Variants in ADAMTS15 observed in about 807,000 individuals in gnomAD.
ADAMTS15 encodes the protein A disintegrin and metalloproteinase with thrombospondin motifs 15.
A neutral mutation model predicts 79.1 loss-of-function variants in ADAMTS15; 35 were observed. The ratio of observed to expected loss-of-function variants is 0.44; its 90% confidence interval spans 0.34 to 0.59. The LOEUF is 0.59. ADAMTS15 is among the 20% of genes least tolerant of loss of function. The pLI, the probability that ADAMTS15 is intolerant of heterozygous loss-of-function variation, is 0.02. For missense variants in ADAMTS15, 1,324 were observed against 1,318.7 expected (o/e 1.00, Z -0.06); for synonymous variants, 616 against 567.3 (o/e 1.09, Z -1.22).
Position 130,449,840 on chromosome 11 carries a change from G to T in ADAMTS15, c.867G>T (p.Leu289=). ...PKVTGNAALT[L]RNFCAWQKKL... is the part of the protein sequence containing the mutation. The stretch of plus-strand genomic sequence containing the variant: ...TCACCGGCAATGCGGCCCTGACGCT[G>T]CGCAACTTCTGTGCCTGGCAGAAGA... Residue 289 remains leucine (L), a synonymous_variant, in exon 1 of 8, where the codon CTG becomes CTT. Coordinates refer to ENST00000299164, the MANE Select transcript of ADAMTS15 (RefSeq NM_139055.4). The surrounding 1 kb of genome is among the most constrained non-coding windows in gnomAD (Gnocchi z 7.8). The T allele has an allele frequency of 6.2e-7, 1 of 1,608,548 alleles. No individual in the cohort carries two copies.
intron 2 of ADAMTS15, 102 bp downstream of exon 2, chr11:130,461,723 G>A: frequency 2.6e-6 from 4 of 1,511,162 alleles, no homozygotes; most frequent in Non-Finnish European, 3.6e-6. Flanking sequence ...GAAGCCTTAG[G>A]ACCCCTTCTT....
chr11:130,470,210 GTATATATATA>G (rs3063488), intron 5 of ADAMTS15, among the ~76,000 whole-genome samples: 2 of 32,992 alleles, frequency 6.1e-5, no homozygotes, highest in African/African-American at 2.6e-4. Flanking sequence ...ATATATATAT[GTATATATATA>G]TATATTTTCT....
intron 2 of ADAMTS15, 148 bp from the exon 3 acceptor site, chr11:130,461,939 G>T: frequency 1.0e-6 from 1 of 963,124 alleles, no homozygotes; most frequent in Non-Finnish European, 1.5e-6. Flanking sequence ...ACATGATCTT[G>T]AGGACATTTG....
chr11:130,460,975 G>T (rs926927974), intron 1 of ADAMTS15, among the ~76,000 whole-genome samples: 1 of 152,202 alleles, frequency 6.6e-6, no homozygotes, highest in Non-Finnish European at 1.5e-5. Context: ...TCACTGGCAT[G>T]GGTGGGTCCT....
Position 130,449,003 on chromosome 11 carries a change from T to A in ADAMTS15, c.30T>A (p.Ala10=). MLLLGILTL[A]FAGRTAGGSE... ...TTCTGCTGGGCATCCTAACCCTGGC[T>A]TTCGCCGGGCGAACCGCTGGAGGCT... Residue 10 remains alanine, a synonymous_variant, in exon 1 of 8, where the codon GCT becomes GCA. Transcript: ENST00000299164. The surrounding 1 kb of genome is among the most constrained non-coding windows in gnomAD (Gnocchi z 7.8). The A allele has an allele frequency of 6.6e-7, 1 of 1,509,820 alleles. No individual in the cohort carries two copies. The allele number at this position is 1,509,820 out of a possible 1,614,324, so 93.5% of individuals were successfully genotyped here.
intron 4 of ADAMTS15, among the ~76,000 whole-genome samples, chr11:130,466,826 G>A (rs1938310549): frequency 6.6e-6 from 1 of 152,072 alleles, no homozygotes; most frequent in African/African-American, 2.4e-5. Context: ...TCTCCTCTCA[G>A]GGCCTGTGCA....
chr11:130,449,244 C>T lies in ADAMTS15; in HGVS notation c.271C>T (p.Leu91Phe). The change falls in exon 1 of 8, where the codon CTC becomes TTC. Residue 91 changes from leucine to phenylalanine, a missense_variant. By Grantham distance (22) the Leu-to-Phe change is conservative (BLOSUM62 0). Coordinates refer to ENST00000299164, the MANE Select transcript of ADAMTS15 (RefSeq NM_139055.4). The surrounding 1 kb of genome is among the most constrained non-coding windows in gnomAD (Gnocchi z 7.8). Reference sequence around the variant, plus strand: ...GCATCTGGGCGTCCCCCTCCAGGGGCTCACCGGGGGCTCTTCAGACCTGCG... The same window carrying T: ...GCATCTGGGCGTCCCCCTCCAGGGGTTCACCGGGGGCTCTTCAGACCTGCG... ...TEHLGVPLQGLTGGSSDLRRC... is the reference protein window; with the variant it reads ...TEHLGVPLQGFTGGSSDLRRC... The T allele has an allele frequency of 7.4e-6, 12 of 1,613,660 alleles. No individual in the cohort carries two copies. The highest frequency in any genetic ancestry group is 1.0e-5 in the Non-Finnish European group (12 of 1,180,028).
intron 4 of ADAMTS15, among the ~76,000 whole-genome samples, chr11:130,467,394 A>G (rs1050128325): frequency 6.6e-6 from 1 of 152,172 alleles, no homozygotes; most frequent in African/African-American, 2.4e-5. Flanking sequence ...GTGAGGCGCT[A>G]GTTTGAGTAG....
Position 130,449,517 on chromosome 11 carries a change from C to A in ADAMTS15, c.544C>A (p.Pro182Thr), listed in dbSNP as rs1937914462. The A allele has an allele frequency of 6.4e-7, 1 of 1,558,522 alleles. No homozygotes were observed. The highest frequency in any genetic ancestry group is 1.4e-5 in the African/African-American group (1 of 73,992). ...SRCGVASGWNPAILRALDPYK... is the reference protein window; with the variant it reads ...SRCGVASGWNTAILRALDPYK... ...CTGCGGGGTGGCCTCGGGCTGGAAC[C>A]CCGCCATCCTACGGGCCCTGGACCC... Residue 182 changes from proline to threonine, a missense_variant, in exon 1 of 8, where the codon CCC (proline) becomes ACC (threonine). Pro to Thr is a conservative substitution (Grantham distance 38). Transcript: ENST00000299164. The surrounding 1 kb of genome is among the most constrained non-coding windows in gnomAD (Gnocchi z 7.8).
rs1291962831 is a variant in ADAMTS15 at position 130,473,852 on chromosome 11, C to T, written c.*31C>T. The T allele has an allele frequency of 2.6e-6, 4 of 1,558,528 alleles. No homozygotes were observed. The highest frequency in any genetic ancestry group is 2.6e-6 in the Non-Finnish European group (3 of 1,156,616). ...GTCATCGCTTTCTCCCCCTCACTCT[C>T]CACCCCACTGATATGCCAGCGTTCT... On this transcript the variant is annotated 3_prime_UTR_variant, in exon 8 of 8. Coordinates refer to ENST00000299164, the MANE Select transcript of ADAMTS15 (RefSeq NM_139055.4).
chr11:130,457,817 C>T (rs2134722359), intron 1 of ADAMTS15, among the ~76,000 whole-genome samples: 1 of 152,260 alleles, frequency 6.6e-6, no homozygotes, highest in East Asian at 1.9e-4. Flanking sequence ...GTGCAGAGGC[C>T]CAGCGGTTCT....
Position 130,473,921 on chromosome 11 carries a change from G to C in ADAMTS15, c.*100G>C. 7.1e-7 allele frequency: 1 copy of C among 1,412,728 alleles called. No individual in the cohort carries two copies. Among genetic ancestry groups the C allele is most frequent in the South Asian group, 1.4e-5 (1 of 69,902 alleles). 87.5% of individuals were successfully genotyped at this position (1,412,728 alleles called of 1,614,324 possible). ...CAGAGGACGGTGGCCAGGGGCTCAC[G>C]CCACGATGTCACCCACATCCGGGGA... On this transcript the variant is annotated 3_prime_UTR_variant, in exon 8 of 8. Coordinates refer to ENST00000299164, the MANE Select transcript of ADAMTS15 (RefSeq NM_139055.4).
intron 5 of ADAMTS15, among the ~76,000 whole-genome samples, chr11:130,470,182 G>GTATA (rs1407250375): frequency 1.1e-4 from 8 of 72,744 alleles, no homozygotes; most frequent in African/African-American, 4.6e-4. Context: ...ATATATATAT[G>GTATA]TGTGTATATA....
chr11:130,470,162 A>ATATATATATATGTG (rs1938406224), intron 5 of ADAMTS15, among the ~76,000 whole-genome samples: 3 of 56,600 alleles, frequency 5.3e-5, no homozygotes, highest in East Asian at 3.6e-4. Flanking sequence ...GTGTATATAT[A>ATATATATATATGTG]TATATATATA....
intron 4 of ADAMTS15, among the ~76,000 whole-genome samples, chr11:130,466,021 C>T (rs1321191042): frequency 3.3e-5 from 5 of 151,996 alleles, no homozygotes; most frequent in Admixed American, 6.5e-5. Flanking sequence ...TACAGGCGCC[C>T]GCCACCACAC....
chr11:130,453,830 T>C (rs1938017786), intron 1 of ADAMTS15, among the ~76,000 whole-genome samples: 4 of 152,244 alleles, frequency 2.6e-5, no homozygotes, highest in Non-Finnish European at 5.9e-5. Context: ...TTTATATTTT[T>C]CAAGAAATTT....
rs368224079 is a variant in ADAMTS15 at position 130,462,292 on chromosome 11, G to A, written c.1258+38G>A. ...GGCGGGAGGGCAATGAGGCCGCCTC[G>A]GAGGGGGCTTTGCTGCTGCCCCTGG... On this transcript the variant is annotated intron_variant, in intron 3 of 7. Transcript: ENST00000299164. The surrounding 1 kb of genome is among the most constrained non-coding windows in gnomAD (Gnocchi z 4.3). 6.5e-5 allele frequency: 102 copies of A among 1,579,736 alleles called. No individual in the cohort carries two copies. In the African/African-American group the frequency reaches 1.1e-3, roughly 17 times the overall value.
chr11:130,457,078 C>A (rs1938097083), intron 1 of ADAMTS15, among the ~76,000 whole-genome samples: 1 of 151,730 alleles, frequency 6.6e-6, no homozygotes, highest in Non-Finnish European at 1.5e-5. Flanking sequence ...ACTCAAAATG[C>A]AAAAATTAGC....
In ADAMTS15 at chr11:130,469,421, G is replaced by A. The variant is rs531667293; in HGVS notation, c.1702G>A (p.Glu568Lys). Reference protein sequence around the residue: ...VRVKYRSCNLEPCPSSASGKS... With the variant: ...VRVKYRSCNLKPCPSSASGKS... ...GGTGAAATACCGATCCTGCAATCTG[G>A]AGCCCTGCCCCAGCTCAGGTGAGGT... Residue 568 changes from glutamate to lysine, a missense_variant, in exon 5 of 8, where the codon GAG becomes AAG. Glu to Lys is a moderately conservative substitution (Grantham distance 56). Transcript: ENST00000299164. The A allele has an allele frequency of 6.0e-6, 8 of 1,341,316 alleles. No individual in the cohort carries two copies. In the South Asian group the frequency reaches 1.7e-4, roughly 29 times the overall value. The allele number at this position is 1,341,316 out of a possible 1,614,324, so 83.1% of individuals were successfully genotyped here. A position where few individuals can be genotyped will look rare whatever the true frequency, so the allele number is the denominator to read the frequency against.
Sources: gnomAD v4.1 joint callset for allele counts (sites outside exome capture counted in the v4.1 genomes callset) on GRCh38, gnomAD v4.1.1 for gene constraint, Gnocchi (gnomAD v3.1) non-coding constraint, MANE v1.5 for transcripts, NCBI Gene and HGNC (gene_info 2026-07-23, HGNC 2026-07-21) for gene names.